The following GARIN1A variants were observed in gnomAD, a reference collection of about 807,000 sequenced individuals.
GARIN1A encodes Golgi-associated RAB2 interactor protein 1A.
chr7:128,694,459 G>T, the GARIN1A span, among the ~76,000 whole-genome samples: 1 of 152,078 alleles, frequency 6.6e-6, no homozygotes, highest in East Asian at 1.9e-4. Flanking sequence ...GCTTGAACCC[G>T]GGAGGTAGAG....
the GARIN1A span, chr7:128,679,945 C>A: frequency 1.4e-6 from 1 of 704,854 alleles, no homozygotes; most frequent in Non-Finnish European, 2.3e-6. Flanking sequence ...ACTGTAATAT[C>A]ACAAACCCCT....
chr7:128,675,749 G>A, the GARIN1A span: 1 of 1,613,662 alleles, frequency 6.2e-7, no homozygotes, highest in Admixed American at 1.7e-5. Flanking sequence ...CCTCCTCGGT[G>A]CCCTCCCTGC....
the GARIN1A span, among the ~76,000 whole-genome samples, chr7:128,695,562 C>T: frequency 9.2e-5 from 14 of 152,046 alleles, no homozygotes; most frequent in African/African-American, 2.4e-5. This position sits in a 1 kb window ranked among gnomAD's most constrained non-coding sequence, Gnocchi z 4.5. Context: ...TTCTTTGAGA[C>T]GGGAGTCTTG....
the GARIN1A span, chr7:128,677,904 T>C: frequency 8.7e-7 from 1 of 1,149,180 alleles, no homozygotes; most frequent in Non-Finnish European, 1.2e-6. Context: ...CTTGTTTCCA[T>C]GTCTTTTAAA....
the GARIN1A span, among the ~76,000 whole-genome samples, chr7:128,698,830 G>T: frequency 2.0e-5 from 3 of 152,044 alleles, no homozygotes; most frequent in South Asian, 4.1e-4. Flanking sequence ...CAAGTGATCC[G>T]CCCCCCTCAG....
the GARIN1A span, among the ~76,000 whole-genome samples, chr7:128,696,338 A>G: frequency 6.6e-6 from 1 of 151,808 alleles, no homozygotes; most frequent in Non-Finnish European, 1.5e-5. Context: ...GAACTTCTAT[A>G]CACCTTTTTG....
chr7:128,679,928 A>C, the GARIN1A span: 1 of 602,146 alleles, frequency 1.7e-6, no homozygotes. Context: ...TTAGGGTGTG[A>C]AACTCAACTG....
chr7:128,696,949 A>G, the GARIN1A span, among the ~76,000 whole-genome samples: 1 of 152,260 alleles, frequency 6.6e-6, no homozygotes, highest in South Asian at 2.1e-4. Flanking sequence ...TTTAATATAC[A>G]CAGAATTTTC....
chr7:128,679,960 A>C, the GARIN1A span: 1 of 845,024 alleles, frequency 1.2e-6, no homozygotes, highest in East Asian at 3.1e-5. Context: ...ACCCCTTCAA[A>C]GTTCTACCCC....
At chr7:128,699,697 G>A in the GARIN1A span, among the ~76,000 whole-genome samples, 1 of 152,266 alleles carries the variant, frequency 6.6e-6, no homozygotes, top group African/African-American at 2.4e-5. Context: ...TTCTGCAATT[G>A]TTGGGTGTAG....
chr7:128,684,255 G>C, the GARIN1A span: 1 of 152,204 alleles, frequency 6.6e-6, no homozygotes, highest in Admixed American at 6.6e-5. Flanking sequence ...CAAAATAAAA[G>C]AAATCCTGAG....
chr7:128,677,414 G>A, the GARIN1A span: 16 of 806,000 alleles, frequency 2.0e-5, no homozygotes, highest in Non-Finnish European at 2.7e-5. Flanking sequence ...GGCTGAGGTG[G>A]GAGAATGGCG....
chr7:128,684,490 C>T, the GARIN1A span: 1 of 152,056 alleles, frequency 6.6e-6, no homozygotes, highest in Non-Finnish European at 1.5e-5. Flanking sequence ...GTGGTGCACA[C>T]CTGTAGTCCC....
At chr7:128,680,010 A>G in the GARIN1A span, 1 of 1,485,174 alleles carries the variant, frequency 6.7e-7, no homozygotes, top group African/African-American at 1.4e-5. Context: ...TAGCCATCTG[A>G]CGCTAAATTT....
At chr7:128,672,492 A>T in the GARIN1A span, 1 of 1,609,326 alleles carries the variant, frequency 6.2e-7, no homozygotes, top group Non-Finnish European at 8.5e-7. Context: ...CAACTGATTC[A>T]TTCTCCAGAA....
At chr7:128,675,627 C>T in the GARIN1A span, 1 of 1,603,746 alleles carries the variant, frequency 6.2e-7, no homozygotes, top group East Asian at 2.2e-5. Context: ...TATTCCACCC[C>T]TTGTTTTCTG....
the GARIN1A span, among the ~76,000 whole-genome samples, chr7:128,676,643 C>A: frequency 6.6e-6 from 1 of 151,046 alleles, no homozygotes; most frequent in African/African-American, 2.4e-5. Flanking sequence ...GGTGGGGATA[C>A]AAAAGTCAAA....
At chr7:128,691,565 A>G in the GARIN1A span, 2 of 152,232 alleles carry the variant, frequency 1.3e-5, no homozygotes, top group African/African-American at 4.8e-5. Flanking sequence ...GGCACAAGAT[A>G]CAGGTCACAA....
chr7:128,678,773 C>T, the GARIN1A span, among the ~76,000 whole-genome samples: 1 of 148,652 alleles, frequency 6.7e-6, no homozygotes, highest in Admixed American at 6.8e-5. Flanking sequence ...TTACTCCAGC[C>T]TGGGCGAAAG....
Sources: allele counts gnomAD v4.1 joint callset (sites outside exome capture counted in the v4.1 genomes callset), GRCh38; gene constraint gnomAD v4.1.1; non-coding constraint Gnocchi (gnomAD v3.1); transcripts MANE v1.5; gene names NCBI Gene and HGNC (gene_info 2026-07-23, HGNC 2026-07-21).